The following TNNT3 variants were observed in gnomAD, a reference collection of about 807,000 sequenced individuals.
TNNT3 encodes the protein troponin T3, fast skeletal type.
Under a neutral mutation model 54.2 loss-of-function variants are expected in TNNT3, and 36 were observed. That is an observed-to-expected ratio of 0.66 (90% CI 0.51 to 0.88). The LOEUF is 0.88. Ranked by LOEUF, TNNT3 falls within the 40% of genes least tolerant of loss-of-function variation. TNNT3 has a pLI of 0.00. For missense variants in TNNT3, 291 were observed against 331.6 expected (o/e 0.88, Z 0.95); for synonymous variants, 120 against 109.7 (o/e 1.09, Z -0.59).
chr11:1,926,543 A>G, intron 5 of TNNT3, 152 bp from the exon 6 acceptor site: 9 of 1,612,116 alleles, frequency 5.6e-6, no homozygotes, highest in Non-Finnish European at 7.6e-6. Flanking sequence ...GCAGGACCCA[A>G]GAAGGAACAA....
chr11:1,936,266 G>T (rs370608680), intron 14 of TNNT3: 14 of 1,613,604 alleles, frequency 8.7e-6, no homozygotes, highest in Non-Finnish European at 1.2e-5. Flanking sequence ...TAAGTAGCCG[G>T]GTCCGCCCTG....
intron 14 of TNNT3, chr11:1,935,196 C>T (rs1469092228): frequency 2.6e-5 from 14 of 537,920 alleles, no homozygotes; most frequent in South Asian, 8.0e-5. Flanking sequence ...AAAGGACTGT[C>T]GTGGCAGAGC....
intron 14 of TNNT3, chr11:1,936,398 C>T (rs979883343): frequency 5.3e-6 from 5 of 935,820 alleles, no homozygotes; most frequent in Non-Finnish European, 8.2e-6. Flanking sequence ...GCTCTCCCCT[C>T]GTGCCTGCAG....
Position 1,922,972 on chromosome 11 carries a change from A to G in TNNT3, c.18-76A>G, listed in dbSNP as rs965912. The G allele has an allele frequency of 0.8, 1,286,563 of 1,613,150 alleles. 516,905 individuals are homozygous for G. Among genetic ancestry groups the G allele is most frequent in the East Asian group, 0.93 (41,641 of 44,856 alleles). On this transcript the variant is annotated intron_variant, in intron 2 of 15. Transcript: ENST00000278317. ...CTTCTGTGGGGCTGGAGCATGCGCT[A>G]TCTTGCACAAGTCCAAGCAAAGCCC...
At chr11:1,932,416 T>G in intron 8 of TNNT3, 53 bp from the exon 9 acceptor site, 1 of 1,578,078 alleles carries the variant, frequency 6.3e-7, no homozygotes, top group Admixed American at 1.7e-5. Context: ...AGGCTGACCC[T>G]CTGGGGTGGG....
rs149996049 is a variant in TNNT3, at chr11:1,934,928, C to G, written c.681+9C>G. 1.9e-6 allele frequency: 3 copies of G among 1,612,734 alleles called. No homozygotes were observed. Among genetic ancestry groups the G allele is most frequent in the Admixed American group, 3.3e-5 (2 of 60,026 alleles). On this transcript the variant is annotated intron_variant, in intron 14 of 15. Coordinates refer to ENST00000278317, the MANE Select transcript of TNNT3 (RefSeq NM_006757.4). Reference sequence around the variant, plus strand: ...AACGCCAGAAATATGACGTGAGTCCCGGCACCTCCGGCCCTGGGGCCCTAG... The same window carrying G: ...AACGCCAGAAATATGACGTGAGTCCGGGCACCTCCGGCCCTGGGGCCCTAG...
rs556240627 is a variant in TNNT3 at position 1,929,855 on chromosome 11, C to G, written c.125+27C>G. ...TGAGTGTGGGGTCCTGGCAGGCCCG[C>G]TGCTGAGTGTGTTCTGGGGTGGGGG... On this transcript the variant is annotated intron_variant, in intron 8 of 15. Transcript: ENST00000278317. 80 of 1,503,564 alleles carry G rather than the reference C, an allele frequency of 5.3e-5. No individual in the cohort carries two copies. The African/African-American group carries it at 9.9e-4, about 19-fold the overall frequency. The allele number at this position is 1,503,564 out of a possible 1,614,324, so 93.1% of individuals were successfully genotyped here.
rs544425439 is a variant in TNNT3, at chr11:1,938,643, G to C, written c.*151G>C. The C allele has an allele frequency of 1.3e-6, 1 of 788,596 alleles. No individual in the cohort carries two copies. The highest frequency in any genetic ancestry group is 1.7e-5 in the African/African-American group (1 of 58,502). 48.8% of individuals were successfully genotyped at this position (788,596 alleles called of 1,614,324 possible). ...GAGAGGCCATCCCGGGGCGTCCCCC[G>C]CGTCTGTGTCCTTGCTGCCTTCATC... is the stretch of plus-strand genomic sequence containing the variant. On this transcript the variant is annotated 3_prime_UTR_variant, in exon 16 of 16. Transcript: ENST00000278317.
At chr11:1,923,629 T>A in intron 4 of TNNT3, 57 bp downstream of exon 4, 4 of 1,005,140 alleles carry the variant, frequency 4.0e-6, no homozygotes, top group Non-Finnish European at 5.4e-6. Flanking sequence ...TTAACCCCCC[T>A]CTCCCGTGTG....
intron 14 of TNNT3, among the ~76,000 whole-genome samples, chr11:1,935,891 C>G (rs1854876760): frequency 6.6e-6 from 1 of 152,122 alleles, no homozygotes. Flanking sequence ...ACGAGCTCCC[C>G]TCCGACAGAG....
chr11:1,938,427 C>G lies in TNNT3; in HGVS notation c.723-11C>G. On this transcript the variant is annotated splice_polypyrimidine_tract_variant and intron_variant, in intron 15 of 15. Coordinates refer to ENST00000278317, the MANE Select transcript of TNNT3 (RefSeq NM_006757.4). ...CCTGACCCTGAAGGATCACTTGCTT[C>G]CCATTTGCAGCAGCAAGAAGGCTGG... is the stretch of plus-strand genomic sequence containing the variant. The G allele has an allele frequency of 6.2e-7, 1 of 1,613,136 alleles. No homozygotes were observed. The highest frequency in any genetic ancestry group is 8.5e-7 in the Non-Finnish European group (1 of 1,179,862).
chr11:1,926,464 G>C (rs1335289248), intron 5 of TNNT3: 2 of 1,613,142 alleles, frequency 1.2e-6, no homozygotes, highest in Non-Finnish European at 1.7e-6. Flanking sequence ...TCCTTGGCCC[G>C]TGAAGTTCAT....
intron 4 of TNNT3, 125 bp downstream of exon 4, chr11:1,923,697 C>T (rs1850727795): frequency 1.4e-6 from 1 of 722,762 alleles, no homozygotes; most frequent in African/African-American, 1.7e-5. Context: ...TGTCAATCAA[C>T]CTTCCATCTT....
At chr11:1,930,404 A>G (rs963055702) in intron 8 of TNNT3, among the ~76,000 whole-genome samples, 4 of 152,128 alleles carry the variant, frequency 2.6e-5, no homozygotes, top group African/African-American at 7.2e-5. Flanking sequence ...TCAGAATGAC[A>G]CCTTGACCGT....
At chr11:1,937,330 G>A (rs1193554392) in intron 15 of TNNT3, among the ~76,000 whole-genome samples, 4 of 152,100 alleles carry the variant, frequency 2.6e-5, no homozygotes, top group African/African-American at 7.2e-5. Context: ...GGGGCTACTC[G>A]GGGGGCCTTT....
Position 1,922,289 on chromosome 11 carries a change from G to A in TNNT3, c.-18-568G>A, listed in dbSNP as rs1256174657. ...ACCCCATAGGAAAACAGGCACAGAAGGGAGCTTTGGGCTCAAATAGGGAAG... is the reference window on the plus strand; with the variant it reads ...ACCCCATAGGAAAACAGGCACAGAAAGGAGCTTTGGGCTCAAATAGGGAAG... On this transcript the variant is annotated intron_variant, in intron 1 of 15. Coordinates refer to ENST00000278317, the MANE Select transcript of TNNT3 (RefSeq NM_006757.4). Among the ~76,000 whole-genome samples, 5 of 152,296 alleles carry A rather than the reference G, an allele frequency of 3.3e-5. No homozygotes were observed. In the East Asian group the frequency reaches 9.6e-4, roughly 29 times the overall value.
At chr11:1,934,758 G>A in intron 13 of TNNT3, 71 bp from the exon 14 acceptor site, 1 of 1,597,406 alleles carries the variant, frequency 6.3e-7, no homozygotes, top group South Asian at 1.1e-5. Flanking sequence ...AGTGGCTGCA[G>A]GAGGACTCCA....
chr11:1,938,391 T>C, intron 15 of TNNT3, 47 bp from the exon 16 acceptor site: 5 of 1,600,374 alleles, frequency 3.1e-6, no homozygotes, highest in Non-Finnish European at 4.3e-6. Flanking sequence ...AGGAGGGGCA[T>C]GGCCAGAGGC....
intron 5 of TNNT3, chr11:1,926,353 G>T: frequency 2.3e-6 from 3 of 1,280,418 alleles, no homozygotes; most frequent in Non-Finnish European, 3.4e-6. Context: ...CTCCCCGCAC[G>T]CACCCCACCC....
Sources: gnomAD v4.1 joint callset for allele counts (sites outside exome capture counted in the v4.1 genomes callset) on GRCh38, gnomAD v4.1.1 for gene constraint, MANE v1.5 for transcripts, NCBI Gene and HGNC (gene_info 2026-07-23, HGNC 2026-07-21) for gene names.